CDH20: variants seen among roughly 807,000 people sequenced by gnomAD.
The protein encoded by CDH20 is cadherin-20.
CDH20 carries 29 observed loss-of-function variants against 74.2 expected under a neutral mutation model. The ratio of observed to expected loss-of-function variants is 0.39; its 90% CI spans 0.29 to 0.53. The LOEUF (loss-of-function observed/expected upper bound fraction) is 0.53. Among genes scored for constraint, CDH20 ranks in the 20% least tolerant of loss-of-function variants. CDH20 has a pLI of 0.69. For synonymous variants in CDH20, 469 were observed against 405.4 expected, an observed-to-expected ratio of 1.16 and a Z score of -1.88; for missense variants, 988 against 1,048.3, an observed-to-expected ratio of 0.94 and a Z score of 0.79.
At chr18:61,484,286 C>G (rs1317120236) in intron 1 of CDH20, among the ~76,000 whole-genome samples, 1 of 152,188 alleles carries the variant, frequency 6.6e-6, no homozygotes, top group Non-Finnish European at 1.5e-5. Context: ...TCTTGTCTAA[C>G]TGTAGTCAGA....
chr18:61,489,142 GATTT>G (rs1182694596), intron 1 of CDH20, among the ~76,000 whole-genome samples: 1 of 152,166 alleles, frequency 6.6e-6, no homozygotes, highest in Non-Finnish European at 1.5e-5. Flanking sequence ...TCATTAAAAT[GATTT>G]ATTATACAGA....
At chr18:61,348,666 C>G (rs947654442) in intron 1 of CDH20, among the ~76,000 whole-genome samples, 3 of 152,128 alleles carry the variant, frequency 2.0e-5, no homozygotes, top group African/African-American at 7.2e-5. Context: ...GCCGTAAAAA[C>G]ATGAGAAATC....
intron 1 of CDH20, among the ~76,000 whole-genome samples, chr18:61,484,561 A>G (rs1910691431): frequency 6.6e-6 from 1 of 152,224 alleles, no homozygotes; most frequent in Non-Finnish European, 1.5e-5. Flanking sequence ...TAGAGCAAGG[A>G]TTTCTAAAGT....
At chr18:61,465,936 C>T (rs116181527) in intron 1 of CDH20, among the ~76,000 whole-genome samples, 1,673 of 151,924 alleles carry the variant, frequency 0.011, 30 homozygotes, top group African/African-American at 0.037. Context: ...GATATAGGCC[C>T]GTAGTCTCAG....
intron 1 of CDH20, among the ~76,000 whole-genome samples, chr18:61,402,195 C>G (rs147547296): frequency 6.6e-6 from 1 of 152,266 alleles, no homozygotes; most frequent in African/African-American, 2.4e-5. Context: ...AACTGGAAAG[C>G]ATTCTGGTGC....
chr18:61,519,644 CT>C (rs1472720355), intron 6 of CDH20, among the ~76,000 whole-genome samples: 5 of 151,220 alleles, frequency 3.3e-5, no homozygotes, highest in Non-Finnish European at 7.4e-5. Context: ...AAAGGAAAAA[CT>C]GGTACCAGCC....
At chr18:61,356,379 T>C (rs7241785) in intron 1 of CDH20, among the ~76,000 whole-genome samples, 3 of 152,220 alleles carry the variant, frequency 2.0e-5, no homozygotes, top group African/African-American at 7.2e-5. Context: ...TTTTTCTTAA[T>C]TTTTAAATCA....
At chr18:61,434,935 T>C (rs1274256066) in intron 1 of CDH20, among the ~76,000 whole-genome samples, 2 of 152,156 alleles carry the variant, frequency 1.3e-5, no homozygotes, top group African/African-American at 2.4e-5. Context: ...AGAAAACACA[T>C]AGTTCCTAGA....
intron 1 of CDH20, among the ~76,000 whole-genome samples, chr18:61,474,889 G>A (rs1001877557): frequency 2.0e-5 from 3 of 152,022 alleles, no homozygotes; most frequent in Non-Finnish European, 4.4e-5. Context: ...ATCTGTCTTC[G>A]AGCAAAAACA....
At chr18:61,496,174 CCCTCTCCCCCCCTCCTCCCTT>C (rs1911145378) in intron 2 of CDH20, among the ~76,000 whole-genome samples, 1 of 27,476 alleles carries the variant, frequency 3.6e-5, no homozygotes, top group Non-Finnish European at 8.1e-5. Context: ...CTCTCCCCCT[CCCTCTCCCCCCCTCCTCCCTT>C]CCTCTCCCCC....
At chr18:61,456,697 T>C (rs1005368492) in intron 1 of CDH20, among the ~76,000 whole-genome samples, 1 of 152,140 alleles carries the variant, frequency 6.6e-6, no homozygotes, top group Non-Finnish European at 1.5e-5. Flanking sequence ...TTAATGAGTC[T>C]GTCTCAGGCA....
intron 7 of CDH20, among the ~76,000 whole-genome samples, chr18:61,533,860 A>T (rs2144382475): frequency 6.6e-6 from 1 of 152,246 alleles, no homozygotes; most frequent in East Asian, 1.9e-4. Flanking sequence ...TTTTCTCAAC[A>T]CTATATTGGA....
intron 1 of CDH20, 80 bp from the exon 2 acceptor site, chr18:61,490,322 C>T (rs1472268833): frequency 4.2e-6 from 2 of 476,822 alleles, no homozygotes; most frequent in African/African-American, 3.9e-5. Context: ...TGAATATTTA[C>T]TGACATTTCT....
At chr18:61,528,311 C>T (rs1912512224) in intron 7 of CDH20, 91 bp downstream of exon 7, 9 of 1,321,958 alleles carry the variant, frequency 6.8e-6, no homozygotes, top group Non-Finnish European at 2.1e-6. Flanking sequence ...TTGTTTCTTT[C>T]TTCTCTATCC....
At chr18:61,372,978 G>A (rs1017856863) in intron 1 of CDH20, among the ~76,000 whole-genome samples, 2 of 152,026 alleles carry the variant, frequency 1.3e-5, no homozygotes, top group Non-Finnish European at 2.9e-5. Context: ...GTACACTCTA[G>A]GGACCAAAAG....
At chr18:61,456,623 A>T (rs1368894597) in intron 1 of CDH20, among the ~76,000 whole-genome samples, 1 of 152,124 alleles carries the variant, frequency 6.6e-6, no homozygotes, top group Non-Finnish European at 1.5e-5. Flanking sequence ...TGGATGGGAG[A>T]CATTTTGCAA....
At chr18:61,505,292 A>C (rs1911522029) in intron 5 of CDH20, among the ~76,000 whole-genome samples, 2 of 151,804 alleles carry the variant, frequency 1.3e-5, no homozygotes, top group Non-Finnish European at 2.9e-5. Flanking sequence ...AGAACACTAT[A>C]CAAGGATTAC....
At chr18:61,393,742 G>A (rs115984832) in intron 1 of CDH20, among the ~76,000 whole-genome samples, 2,047 of 152,142 alleles carry the variant, frequency 0.013, 46 homozygotes, top group African/African-American at 0.045. Flanking sequence ...ATAAGTTTAG[G>A]TAATCATTTT....
chr18:61,466,242 C>T (rs2144368688), intron 1 of CDH20, among the ~76,000 whole-genome samples: 1 of 152,054 alleles, frequency 6.6e-6, no homozygotes, highest in Non-Finnish European at 1.5e-5. Context: ...AATAGTGATT[C>T]TCTATTCACC....
Sources: gnomAD v4.1 joint callset for allele counts (sites outside exome capture counted in the v4.1 genomes callset) on GRCh38, gnomAD v4.1.1 for gene constraint, MANE v1.5 for transcripts, NCBI Gene and HGNC (gene_info 2026-07-23, HGNC 2026-07-21) for gene names.